MCTP2: variants seen among roughly 807,000 people sequenced by gnomAD.
MCTP2 encodes multiple C2 and transmembrane domain containing 2, also known as multiple C2 and transmembrane domain-containing protein 2.
MCTP2 carries 132 observed loss-of-function variants against 111.6 expected under a neutral mutation model. The ratio of observed to expected loss-of-function variants is 1.18; its 90% CI spans 1.03 to 1.37. MCTP2 has a LOEUF of 1.37. Among genes scored for constraint, MCTP2 ranks in the 40% most tolerant of loss-of-function variants. The pLI is 0.00. For synonymous variants in MCTP2, 395 were observed against 387.7 expected, an observed-to-expected ratio of 1.02 and a Z score of -0.22; for missense variants, 1,183 against 1,067.9, an observed-to-expected ratio of 1.11 and a Z score of -1.50.
intron 4 of MCTP2, among the ~76,000 whole-genome samples, chr15:94,333,666 A>G (rs1034746540): frequency 4.6e-5 from 7 of 152,190 alleles, no homozygotes; most frequent in African/African-American, 1.4e-4. Flanking sequence ...TTCAAATTCT[A>G]TAGTTCTTGG....
chr15:94,320,141 CTTTTTT>C (rs71135503), intron 4 of MCTP2, among the ~76,000 whole-genome samples: 49 of 117,992 alleles, frequency 4.2e-4, no homozygotes, highest in African/African-American at 8.9e-4. Flanking sequence ...GTTTATTAAT[CTTTTTT>C]TTTTTTTTTT....
rs142627007 is a variant in MCTP2 at position 94,356,150 on chromosome 15, G to A, written c.1019G>A (p.Arg340His). 1.2e-3 allele frequency: 1,944 copies of A among 1,595,828 alleles called. 33 individuals are homozygous for A. The African/African-American group carries it at 0.023, about 19-fold the overall frequency. Residue 340 changes from arginine to histidine, a missense_variant, in exon 9 of 23, where the codon CGC becomes CAC. Physicochemically the swap from Arg to His is conservative, Grantham distance 29 (BLOSUM62 0). Coordinates refer to ENST00000357742, the MANE Select transcript of MCTP2 (RefSeq NM_001385001.1). ...RLSASKSSLI[R>H]NLRLSESLKK... ...TTTTTGCTTTAGTCCTCTTTGATAC[G>A]CAACCTACGGCTCTCTGAGTCCTTG...
chr15:94,265,220 A>T (rs1174289915), intron 1 of MCTP2, among the ~76,000 whole-genome samples: 1 of 152,186 alleles, frequency 6.6e-6, no homozygotes, highest in Non-Finnish European at 1.5e-5. Flanking sequence ...ACTTGACTCT[A>T]CAAGAACTCT....
intron 17 of MCTP2, among the ~76,000 whole-genome samples, chr15:94,404,347 G>A (rs1243700048): frequency 4.0e-5 from 6 of 148,672 alleles, no homozygotes; most frequent in Non-Finnish European, 8.9e-5. Context: ...TGTCACCCAG[G>A]CTGGAGTGCA....
At chr15:94,463,766 G>A (rs1039166291) in intron 20 of MCTP2, among the ~76,000 whole-genome samples, 1 of 152,022 alleles carries the variant, frequency 6.6e-6, no homozygotes, top group Admixed American at 6.5e-5. Flanking sequence ...TTCCTAGTTT[G>A]CTATGAGTTT....
At position 94,384,129 on chromosome 15, in the gene MCTP2, G is replaced by A. The variant is rs1193204974; in HGVS notation, c.1685+5G>A. 7 of 1,599,100 alleles carry A rather than the reference G, an allele frequency of 4.4e-6. No individual in the cohort carries two copies. Among genetic ancestry groups the A allele is most frequent in the Non-Finnish European group, 6.0e-6 (7 of 1,167,194 alleles). On this transcript the variant is annotated splice_donor_5th_base_variant and intron_variant, in intron 13 of 22. Coordinates refer to ENST00000357742, the MANE Select transcript of MCTP2 (RefSeq NM_001385001.1). Reference sequence around the variant, plus strand: ...ATGGAACAAAGTTTTTACATTGTAAGTGCTTTAGCCTCTGGAATTATTTCT... The same window carrying A: ...ATGGAACAAAGTTTTTACATTGTAAATGCTTTAGCCTCTGGAATTATTTCT...
In MCTP2 at chr15:94,470,430, ATT is replaced by A; in HGVS notation, c.2461_2462del (p.Leu821AsnfsTer6). 3 of 1,608,296 alleles carry A rather than the reference ATT, an allele frequency of 1.9e-6. No homozygotes were observed. Among genetic ancestry groups the A allele is most frequent in the Non-Finnish European group, 2.6e-6 (3 of 1,174,684 alleles). On this transcript the variant is annotated frameshift_variant, in exon 21 of 23. Coordinates refer to ENST00000357742, the MANE Select transcript of MCTP2 (RefSeq NM_001385001.1). LOFTEE classifies it high-confidence loss of function. ...ILYFIPLRYI[I>X]LIWGINKFTK... ...GTATTTCATTCCACTGCGGTACATCATTTTAATCTGGGGTAAGTTTGGAATGG... is the reference window on the plus strand; with the variant it reads ...GTATTTCATTCCACTGCGGTACATCATTAATCTGGGGTAAGTTTGGAATGG...
intron 12 of MCTP2, among the ~76,000 whole-genome samples, chr15:94,382,778 A>G (rs918985506): frequency 6.6e-6 from 1 of 152,230 alleles, no homozygotes; most frequent in Non-Finnish European, 1.5e-5. Flanking sequence ...TTGTGCCCCC[A>G]ATTAATTTAG....
intron 3 of MCTP2, among the ~76,000 whole-genome samples, chr15:94,315,035 C>CA (rs2076318998): frequency 6.6e-6 from 1 of 152,038 alleles, no homozygotes; most frequent in African/African-American, 2.4e-5. Context: ...GCTGAGTGCC[C>CA]AGAACTGAAA....
chr15:94,295,516 G>A lies in MCTP2; in HGVS notation c.-65-2685G>A, dbSNP rs570490378. Among the ~76,000 whole-genome samples the A allele has an allele frequency of 4.5e-3, 686 of 152,100 alleles. 3 individuals carry two copies. Among genetic ancestry groups the A allele is most frequent in the Admixed American group, 7.7e-3 (118 of 15,258 alleles). Reference sequence around the variant, plus strand: ...TGCTGCTTCTCTGGGCTATGTTCAGGTATACTTTATTTCACACATGTGCTG... The same window carrying A: ...TGCTGCTTCTCTGGGCTATGTTCAGATATACTTTATTTCACACATGTGCTG... On this transcript the variant is annotated intron_variant, in intron 1 of 22. Coordinates refer to ENST00000357742, the MANE Select transcript of MCTP2 (RefSeq NM_001385001.1).
At chr15:94,313,186 G>A (rs1238332947) in intron 2 of MCTP2, among the ~76,000 whole-genome samples, 22 of 152,142 alleles carry the variant, frequency 1.4e-4, no homozygotes, top group Admixed American at 1.4e-3. Context: ...TTGCTGGGAG[G>A]CCATTTGCCC....
chr15:94,336,555 A>C (rs1470810708), intron 4 of MCTP2, among the ~76,000 whole-genome samples: 1 of 152,118 alleles, frequency 6.6e-6, no homozygotes, highest in Non-Finnish European at 1.5e-5. Flanking sequence ...ATCGAGGCAG[A>C]CATGATGACC....
chr15:94,277,722 A>G (rs1828177409), intron 1 of MCTP2, among the ~76,000 whole-genome samples: 1 of 152,116 alleles, frequency 6.6e-6, no homozygotes, highest in Non-Finnish European at 1.5e-5. Context: ...ACGTACAGAA[A>G]CTACTCTGTA....
rs564151124 is a variant in MCTP2 at position 94,305,998 on chromosome 15, G to A, written c.465+7268G>A. Among the ~76,000 whole-genome samples, 141 of 152,064 alleles carry A rather than the reference G, an allele frequency of 9.3e-4. 1 individual carries two copies. Among genetic ancestry groups the A allele is most frequent in the Middle Eastern group, 3.4e-3 (1 of 294 alleles). On this transcript the variant is annotated intron_variant, in intron 2 of 22. Transcript: ENST00000357742. The stretch of plus-strand genomic sequence containing the variant: ...AGCTAAGTATTTAGAAAATGCATAC[G>A]GTCTATTCTGGTTCTTGCCGTAGGT...
intron 17 of MCTP2, among the ~76,000 whole-genome samples, chr15:94,434,521 T>C (rs2083360109): frequency 6.6e-6 from 1 of 152,194 alleles, no homozygotes; most frequent in Non-Finnish European, 1.5e-5. Flanking sequence ...AGATGTATAA[T>C]CCATTTAGAG....
chr15:94,443,046 T>TA, intron 19 of MCTP2, 86 bp downstream of exon 19: 23 of 812,234 alleles, frequency 2.8e-5, no homozygotes, highest in East Asian at 5.9e-5. Flanking sequence ...CTCTCTCCTC[T>TA]CTTTTTTTTT....
chr15:94,266,078 G>GCT (rs948029092), intron 1 of MCTP2, among the ~76,000 whole-genome samples: 5 of 58,170 alleles, frequency 8.6e-5, no homozygotes, highest in African/African-American at 4.0e-4. Context: ...ATGCGTGTGC[G>GCT]CGCACACACA....
At chr15:94,244,665 C>T (rs1311555682) in intron 1 of MCTP2, among the ~76,000 whole-genome samples, 7 of 147,420 alleles carry the variant, frequency 4.7e-5, no homozygotes, top group Non-Finnish European at 9.0e-5. Flanking sequence ...TATACACATA[C>T]ATATCCACCT....
chr15:94,325,146 G>A (rs892764417), intron 4 of MCTP2, among the ~76,000 whole-genome samples: 2 of 152,050 alleles, frequency 1.3e-5, no homozygotes, highest in African/African-American at 4.8e-5. Context: ...GGTTATGCGT[G>A]GGCTTTGGAC....
Sources: allele counts gnomAD v4.1 joint callset (sites outside exome capture counted in the v4.1 genomes callset), GRCh38; gene constraint gnomAD v4.1.1; transcripts MANE v1.5; gene names NCBI Gene and HGNC (gene_info 2026-07-23, HGNC 2026-07-21).